Variants in DCLK1 observed in about 807,000 individuals in gnomAD.
DCLK1 encodes the protein serine/threonine-protein kinase DCLK1.
DCLK1 carries 16 observed loss-of-function variants against 86.2 expected under a neutral mutation model. That is an observed-to-expected ratio of 0.19 (90% CI 0.13 to 0.28). The LOEUF (loss-of-function observed/expected upper bound fraction) is 0.28, where lower values mean the gene tolerates loss of function less well. Ranked by LOEUF, DCLK1 falls within the 10% of genes least tolerant of loss-of-function variation. DCLK1 has a pLI of 1.00. For missense variants in DCLK1, 590 were observed against 940.2 expected (o/e 0.63, Z 4.87); for synonymous variants, 369 against 370.5 (o/e 1.00, Z 0.05).
chr13:36,092,751 G>A (rs1593883200), intron 3 of DCLK1, among the ~76,000 whole-genome samples: 1 of 151,772 alleles, frequency 6.6e-6, no homozygotes. Flanking sequence ...CTCCCAAAGT[G>A]CTGGGATTAC....
chr13:35,970,699 G>A (rs1185491488), intron 3 of DCLK1, among the ~76,000 whole-genome samples: 1 of 152,128 alleles, frequency 6.6e-6, no homozygotes, highest in Non-Finnish European at 1.5e-5. Flanking sequence ...CAGCCACCTT[G>A]ATCTTGGACT....
intron 16 of DCLK1, among the ~76,000 whole-genome samples, chr13:35,778,146 T>C (rs934273046): frequency 6.6e-6 from 1 of 152,200 alleles, no homozygotes; most frequent in Admixed American, 6.5e-5. Context: ...GAAAGTACAA[T>C]AGAGGTGATC....
chr13:35,869,783 G>A (rs924054507), intron 5 of DCLK1, among the ~76,000 whole-genome samples: 1 of 152,188 alleles, frequency 6.6e-6, no homozygotes, highest in Non-Finnish European at 1.5e-5. Context: ...CAAGTGCTCA[G>A]GTGATGGTGA....
At chr13:36,098,535 T>C (rs932147402) in intron 3 of DCLK1, among the ~76,000 whole-genome samples, 1 of 152,186 alleles carries the variant, frequency 6.6e-6, no homozygotes, top group African/African-American at 2.4e-5. Context: ...TTTAAATACA[T>C]AGCATAAAGC....
chr13:35,932,659 C>T (rs1207217422), intron 4 of DCLK1, among the ~76,000 whole-genome samples: 1 of 152,148 alleles, frequency 6.6e-6, no homozygotes, highest in Admixed American at 6.5e-5. Flanking sequence ...AGATCTCATG[C>T]AACTTATTCA....
intron 4 of DCLK1, among the ~76,000 whole-genome samples, chr13:35,877,531 C>G (rs1487940063): frequency 6.6e-6 from 1 of 152,202 alleles, no homozygotes; most frequent in Non-Finnish European, 1.5e-5. Flanking sequence ...TGGTGACATG[C>G]TGCATGTTGG....
chr13:35,848,789 G>A (rs888645560), intron 6 of DCLK1: 3 of 985,132 alleles, frequency 3.0e-6, no homozygotes, highest in Non-Finnish European at 3.6e-6. Context: ...TGTATTTTTG[G>A]CAGTTTAGTC....
At chr13:36,029,283 T>C (rs75729152) in intron 3 of DCLK1, among the ~76,000 whole-genome samples, 402 of 152,288 alleles carry the variant, frequency 2.6e-3, no homozygotes, top group Non-Finnish European at 4.7e-3. Flanking sequence ...CGGCACCATA[T>C]ACATTTGCTT....
At chr13:35,958,058 A>AACC (rs1293352640) in intron 3 of DCLK1, among the ~76,000 whole-genome samples, 22 of 68,374 alleles carry the variant, frequency 3.2e-4, no homozygotes, top group South Asian at 2.3e-3. Context: ...TCACCACTAT[A>AACC]ACCACTAGCA....
At chr13:36,059,079 T>G (rs1369198975) in intron 3 of DCLK1, among the ~76,000 whole-genome samples, 4 of 152,184 alleles carry the variant, frequency 2.6e-5, no homozygotes, top group Non-Finnish European at 5.9e-5. Context: ...ATTGTTAGAA[T>G]GACCTCTCCA....
At chr13:35,970,149 A>G (rs1424568678) in intron 3 of DCLK1, among the ~76,000 whole-genome samples, 3 of 152,128 alleles carry the variant, frequency 2.0e-5, no homozygotes, top group African/African-American at 7.2e-5. Context: ...AGACCCTCAC[A>G]CTTTTTCTTT....
intron 10 of DCLK1, among the ~76,000 whole-genome samples, chr13:35,825,898 C>T (rs2087511891): frequency 1.3e-5 from 2 of 151,862 alleles, no homozygotes; most frequent in African/African-American, 2.4e-5. Context: ...CTGCAACCAC[C>T]ACCTCCCGGG....
chr13:35,846,840 A>C (rs2153109162), intron 6 of DCLK1: 3 of 985,036 alleles, frequency 3.0e-6, no homozygotes, highest in Non-Finnish European at 3.6e-6. Context: ...ATTTATGTAG[A>C]TATATACACA....
chr13:35,808,118 A>C (rs1252788605), intron 14 of DCLK1, 106 bp downstream of exon 14: 8 of 1,109,906 alleles, frequency 7.2e-6, no homozygotes, highest in East Asian at 7.1e-5. Flanking sequence ...ATGTGTACAG[A>C]AATCATACTT....
intron 3 of DCLK1, among the ~76,000 whole-genome samples, chr13:36,047,451 G>A (rs1593845666): frequency 6.6e-6 from 1 of 152,132 alleles, no homozygotes; most frequent in Admixed American, 6.5e-5. Context: ...ATAGATACAT[G>A]GGTTAAAAAC....
chr13:35,835,878 G>A (rs1566558832), intron 8 of DCLK1, among the ~76,000 whole-genome samples, 155 bp downstream of exon 8: 1 of 152,206 alleles, frequency 6.6e-6, no homozygotes, highest in Non-Finnish European at 1.5e-5. Context: ...TCTGTTGTTA[G>A]ATGGGTCTTT....
chr13:36,114,945 A>T, intron 2 of DCLK1, among the ~76,000 whole-genome samples: 1 of 152,234 alleles, frequency 6.6e-6, no homozygotes, highest in Non-Finnish European at 1.5e-5. Context: ...TTGTTAAAAT[A>T]ATCATTTTTA....
intron 3 of DCLK1, among the ~76,000 whole-genome samples, chr13:36,068,470 T>C (rs141150835): frequency 1.8e-3 from 273 of 152,356 alleles, no homozygotes; most frequent in African/African-American, 6.2e-3. Context: ...AAAACTTGTA[T>C]AATATAGCTT....
chr13:35,917,651 G>A (rs1875500661), intron 4 of DCLK1, among the ~76,000 whole-genome samples: 1 of 152,130 alleles, frequency 6.6e-6, no homozygotes, highest in African/African-American at 2.4e-5. Context: ...AAAACAAAAA[G>A]AAAATGAAAG....
Sources: allele counts gnomAD v4.1 joint callset (sites outside exome capture counted in the v4.1 genomes callset), GRCh38; gene constraint gnomAD v4.1.1; transcripts MANE v1.5; gene names NCBI Gene and HGNC (gene_info 2026-07-23, HGNC 2026-07-21).